Variants in SMAP1 observed in about 807,000 individuals in gnomAD.
SMAP1 encodes the protein stromal membrane-associated protein 1.
In SMAP1, 24 loss-of-function variants were observed where a neutral mutation model predicts 58.5. The ratio of observed to expected loss-of-function variants is 0.41; its 90% CI spans 0.30 to 0.58. The LOEUF (loss-of-function observed/expected upper bound fraction) is 0.58, where lower values mean the gene tolerates loss of function less well. SMAP1 is among the 20% of genes least tolerant of loss of function. The probability of loss-of-function intolerance (pLI) is 0.29; values close to 1 mark genes in which losing one functional copy is unlikely to be tolerated. For synonymous variants in SMAP1, 216 were observed against 196.6 expected, an observed-to-expected ratio of 1.10 and a Z score of -0.82; for missense variants, 563 against 566.3, an observed-to-expected ratio of 0.99 and a Z score of 0.06.
intron 1 of SMAP1, among the ~76,000 whole-genome samples, chr6:70,705,835 T>G (rs1022646445): frequency 1.3e-5 from 2 of 152,132 alleles, no homozygotes; most frequent in Non-Finnish European, 2.9e-5. Context: ...GTGTGGAAAC[T>G]GAGGTTTAGA....
chr6:70,827,353 C>G (rs1770178494), intron 6 of SMAP1, among the ~76,000 whole-genome samples: 1 of 152,118 alleles, frequency 6.6e-6, no homozygotes, highest in South Asian at 2.1e-4. Context: ...AGCAAATGTA[C>G]CCAAACTTAA....
At chr6:70,851,525 G>A (rs1771184621) in intron 7 of SMAP1, among the ~76,000 whole-genome samples, 1 of 152,166 alleles carries the variant, frequency 6.6e-6, no homozygotes, top group Non-Finnish European at 1.5e-5. Flanking sequence ...TAAGATAGAA[G>A]GTTAATTAGG....
At chr6:70,771,609 G>A (rs367980378) in intron 3 of SMAP1, among the ~76,000 whole-genome samples, 23 of 152,296 alleles carry the variant, frequency 1.5e-4, no homozygotes, top group East Asian at 1.2e-3. Context: ...TCGGAAAAGC[G>A]CGGTGTTGGG....
chr6:70,732,261 T>C (rs1765460404), intron 1 of SMAP1, 117 bp from the exon 2 acceptor site: 4 of 1,119,680 alleles, frequency 3.6e-6, no homozygotes, highest in Non-Finnish European at 4.9e-6. Context: ...TTTGAGCATG[T>C]GACTTCTGTA....
intron 1 of SMAP1, among the ~76,000 whole-genome samples, chr6:70,679,360 T>G (rs775253462): frequency 7.2e-5 from 11 of 152,166 alleles, no homozygotes; most frequent in Non-Finnish European, 1.3e-4. Flanking sequence ...TGGGTGTATT[T>G]AAGATGGTAT....
intron 6 of SMAP1, among the ~76,000 whole-genome samples, chr6:70,829,631 T>C (rs1017535104): frequency 2.6e-5 from 4 of 152,220 alleles, no homozygotes; most frequent in African/African-American, 9.6e-5. Flanking sequence ...ATTTCCTTAA[T>C]GTTAAAATGA....
chr6:70,823,489 C>T (rs1769982763), intron 6 of SMAP1, among the ~76,000 whole-genome samples: 2 of 151,996 alleles, frequency 1.3e-5, no homozygotes, highest in Non-Finnish European at 2.9e-5. Context: ...TCAGGGCAGG[C>T]CTTGTTAAAA....
intron 6 of SMAP1, among the ~76,000 whole-genome samples, chr6:70,826,065 T>C (rs1171435753): frequency 1.3e-5 from 2 of 152,192 alleles, no homozygotes; most frequent in South Asian, 2.1e-4. Flanking sequence ...CTGCAACCAC[T>C]AGCAGCTACC....
chr6:70,705,257 T>TC (rs1169681804), intron 1 of SMAP1, among the ~76,000 whole-genome samples: 4 of 151,996 alleles, frequency 2.6e-5, no homozygotes, highest in Non-Finnish European at 5.9e-5. Context: ...TTATGATTTT[T>TC]TTTTTTTTTT....
At chr6:70,742,552 A>G (rs958455423) in intron 2 of SMAP1, among the ~76,000 whole-genome samples, 2 of 152,154 alleles carry the variant, frequency 1.3e-5, no homozygotes, top group African/African-American at 4.8e-5. Context: ...AGTCTCTAGG[A>G]AGCTCCAAAT....
intron 6 of SMAP1, among the ~76,000 whole-genome samples, chr6:70,824,578 A>G (rs903109912): frequency 6.6e-6 from 1 of 152,178 alleles, no homozygotes; most frequent in Admixed American, 6.5e-5. Flanking sequence ...TATTTATATT[A>G]TGCAGTGAAG....
chr6:70,814,631 C>A (rs773711704), intron 6 of SMAP1, among the ~76,000 whole-genome samples: 1 of 152,078 alleles, frequency 6.6e-6, no homozygotes, highest in Non-Finnish European at 1.5e-5. Flanking sequence ...TGATTTCGTC[C>A]TGCCTACCCA....
intron 3 of SMAP1, among the ~76,000 whole-genome samples, chr6:70,762,307 C>G (rs1197801150): frequency 6.6e-6 from 1 of 152,032 alleles, no homozygotes; most frequent in South Asian, 2.1e-4. Flanking sequence ...TATGAATGTT[C>G]TGTGGTCGCT....
chr6:70,758,067 A>C (rs1766580813), intron 3 of SMAP1, among the ~76,000 whole-genome samples: 1 of 151,986 alleles, frequency 6.6e-6, no homozygotes, highest in Non-Finnish European at 1.5e-5. Flanking sequence ...AGACACATGC[A>C]CACGTATGTT....
At chr6:70,675,050 C>T (rs567509879) in intron 1 of SMAP1, among the ~76,000 whole-genome samples, 23 of 150,644 alleles carry the variant, frequency 1.5e-4, no homozygotes, top group African/African-American at 5.6e-4. Flanking sequence ...AGACATGAAA[C>T]AATTACCAGT....
intron 4 of SMAP1, among the ~76,000 whole-genome samples, chr6:70,780,969 C>A (rs887182825): frequency 2.6e-5 from 4 of 152,130 alleles, no homozygotes; most frequent in Non-Finnish European, 4.4e-5. Context: ...GGGTGCCTAG[C>A]ACATAACCAC....
At chr6:70,709,870 T>A (rs573887241) in intron 1 of SMAP1, among the ~76,000 whole-genome samples, 39 of 152,332 alleles carry the variant, frequency 2.6e-4, no homozygotes, top group African/African-American at 9.4e-4. Context: ...CAATTTTTTT[T>A]TTAATCAGTG....
intron 6 of SMAP1, among the ~76,000 whole-genome samples, chr6:70,823,362 C>G (rs1385932705): frequency 6.6e-6 from 1 of 152,106 alleles, no homozygotes; most frequent in Non-Finnish European, 1.5e-5. Context: ...TATCCTGCAC[C>G]CCTTAGGTGA....
intron 3 of SMAP1, among the ~76,000 whole-genome samples, chr6:70,763,014 A>T (rs10945247): frequency 1.6e-4 from 24 of 151,476 alleles, no homozygotes; most frequent in Non-Finnish European, 3.2e-4. Flanking sequence ...GTTAACTTTC[A>T]CAAACTCAGT....
Sources: gnomAD v4.1 joint callset for allele counts (sites outside exome capture counted in the v4.1 genomes callset) on GRCh38, gnomAD v4.1.1 for gene constraint, MANE v1.5 for transcripts, NCBI Gene and HGNC (gene_info 2026-07-23, HGNC 2026-07-21) for gene names.